The following BTRC variants were observed in gnomAD, a reference collection of about 807,000 sequenced individuals.
BTRC encodes beta-transducin repeat containing E3 ubiquitin protein ligase.
Under a neutral mutation model 85.5 loss-of-function variants are expected in BTRC, and 42 were observed. The observed-to-expected ratio is 0.49, with a 90% CI of 0.38 to 0.64. BTRC has a LOEUF of 0.64. BTRC is among the 30% of genes least tolerant of loss of function. BTRC has a pLI of 0.00. For missense variants in BTRC, 594 were observed against 743.5 expected (o/e 0.80, Z 2.34); for synonymous variants, 255 against 263.3 (o/e 0.97, Z 0.30).
intron 1 of BTRC, among the ~76,000 whole-genome samples, chr10:101,397,397 T>G (rs1425150625): frequency 3.3e-5 from 5 of 152,076 alleles, no homozygotes; most frequent in African/African-American, 9.7e-5. Flanking sequence ...TGAAAGTAAA[T>G]AGTGTAAGAA....
At position 101,522,014 on chromosome 10, in the gene BTRC, C is replaced by CTTTTTTTTTT. The variant is rs1194237945; in HGVS notation, c.556+171_556+180dup. On this transcript the variant is annotated intron_variant, in intron 5 of 14. Coordinates refer to ENST00000370187, the MANE Select transcript of BTRC (RefSeq NM_033637.4). ...TTAACTGTACCTTTTTGATATAAAG[C>CTTTTTTTTTT]TTTTTTTTTTTTTTTTTTTTTTTTT... The CTTTTTTTTTT allele has an allele frequency of 1.1e-4, 7 of 64,446 alleles. 1 individual carries two copies. The highest frequency in any genetic ancestry group is 1.2e-4 in the Non-Finnish European group (5 of 41,034). The allele number at this position is 64,446 out of a possible 1,614,324, so 4.0% of individuals were successfully genotyped here.
intron 6 of BTRC, among the ~76,000 whole-genome samples, chr10:101,528,972 C>T (rs1420445684): frequency 6.6e-6 from 1 of 152,290 alleles, no homozygotes; most frequent in Middle Eastern, 3.4e-3. Flanking sequence ...GTAGTTTTCT[C>T]TCTTGAATAA....
At chr10:101,480,577 C>G (rs1945807594) in intron 4 of BTRC, among the ~76,000 whole-genome samples, 1 of 152,080 alleles carries the variant, frequency 6.6e-6, no homozygotes, top group African/African-American at 2.4e-5. Context: ...GCACTAATCC[C>G]ACTTACAAGG....
chr10:101,486,954 T>C (rs1029991947), intron 4 of BTRC, among the ~76,000 whole-genome samples: 2 of 152,216 alleles, frequency 1.3e-5, no homozygotes, highest in African/African-American at 4.8e-5. Flanking sequence ...TTCTGAAACA[T>C]ATTGTGAATA....
chr10:101,474,115 T>C (rs1352058399), intron 3 of BTRC, among the ~76,000 whole-genome samples: 1 of 152,172 alleles, frequency 6.6e-6, no homozygotes, highest in Non-Finnish European at 1.5e-5. Flanking sequence ...TGGTTTTTGG[T>C]TCATTTTTCT....
At chr10:101,441,650 C>T (rs112443786) in intron 2 of BTRC, among the ~76,000 whole-genome samples, 2 of 152,160 alleles carry the variant, frequency 1.3e-5, no homozygotes, top group Non-Finnish European at 2.9e-5. Context: ...GAGGCTGAGG[C>T]GGGCGGATTG....
chr10:101,403,775 T>G (rs1943545230), intron 1 of BTRC, among the ~76,000 whole-genome samples: 1 of 151,768 alleles, frequency 6.6e-6, no homozygotes, highest in African/African-American at 2.4e-5. Flanking sequence ...AGAAATTTTC[T>G]GTAGAGACAG....
chr10:101,472,988 C>T (rs750527046), intron 3 of BTRC, among the ~76,000 whole-genome samples: 19 of 152,082 alleles, frequency 1.2e-4, no homozygotes, highest in Non-Finnish European at 2.2e-4. Context: ...ATCAGAAAGC[C>T]GCTAGTTTTC....
chr10:101,530,808 G>A (rs762839804), intron 6 of BTRC, among the ~76,000 whole-genome samples: 1 of 152,158 alleles, frequency 6.6e-6, no homozygotes, highest in Admixed American at 6.5e-5. Context: ...TTGCTCCTCC[G>A]CAGACAGCTA....
intron 1 of BTRC, among the ~76,000 whole-genome samples, chr10:101,402,201 TTA>T (rs1589425195): frequency 6.6e-6 from 1 of 152,018 alleles, no homozygotes; most frequent in Non-Finnish European, 1.5e-5. Flanking sequence ...TGTGAGGAGG[TTA>T]TGTTTTTTTA....
intron 2 of BTRC, among the ~76,000 whole-genome samples, chr10:101,456,228 A>G (rs1010068229): frequency 2.0e-5 from 3 of 152,056 alleles, no homozygotes; most frequent in African/African-American, 7.2e-5. Flanking sequence ...ATTTGGATTT[A>G]GGCAAGGATG....
intron 3 of BTRC, among the ~76,000 whole-genome samples, chr10:101,470,891 A>G (rs1156503244): frequency 3.9e-5 from 6 of 152,168 alleles, no homozygotes; most frequent in African/African-American, 1.4e-4. Flanking sequence ...ATTGAATTAC[A>G]TGAATTCATT....
intron 1 of BTRC, among the ~76,000 whole-genome samples, chr10:101,426,080 T>G (rs1944244440): frequency 6.6e-6 from 1 of 152,206 alleles, no homozygotes; most frequent in African/African-American, 2.4e-5. Context: ...ATGACAGTCC[T>G]TTCCACTTTG....
rs141915205 is a variant in BTRC at position 101,410,058 on chromosome 10, A to G, written c.49-20287A>G. Among the ~76,000 whole-genome samples the G allele has an allele frequency of 7.2e-5, 11 of 152,312 alleles. No homozygotes were observed. In the East Asian group the frequency reaches 2.1e-3, roughly 29 times the overall value. On this transcript the variant is annotated intron_variant, in intron 1 of 14. Transcript: ENST00000370187. ...AATGTATGAAGGTTCCAGTTTCTCC[A>G]CATCCTTGTCAGCACTTGTTATTTT...
At chr10:101,549,153 G>A (rs2062605827) in intron 13 of BTRC, among the ~76,000 whole-genome samples, 1 of 151,504 alleles carries the variant, frequency 6.6e-6, no homozygotes, top group Admixed American at 6.6e-5. Context: ...AACAGCATTG[G>A]GCCAGGCACA....
intron 4 of BTRC, among the ~76,000 whole-genome samples, chr10:101,481,540 G>A (rs1945833390): frequency 6.6e-6 from 1 of 150,862 alleles, no homozygotes; most frequent in Non-Finnish European, 1.5e-5. Context: ...ATAGGTTGGT[G>A]TGTGTCTATA....
chr10:101,407,763 G>A (rs566375732), intron 1 of BTRC, among the ~76,000 whole-genome samples: 5 of 139,744 alleles, frequency 3.6e-5, no homozygotes, highest in South Asian at 2.3e-4. Flanking sequence ...TCGTTCTGTC[G>A]CCAGGCTGGA....
At chr10:101,442,779 AT>A (rs1052631444) in intron 2 of BTRC, among the ~76,000 whole-genome samples, 5 of 151,702 alleles carry the variant, frequency 3.3e-5, no homozygotes, top group Non-Finnish European at 7.4e-5. Context: ...TTTAAATACA[AT>A]TTTTTTCCTG....
intron 4 of BTRC, among the ~76,000 whole-genome samples, chr10:101,483,486 A>G (rs1945898863): frequency 6.6e-6 from 1 of 152,070 alleles, no homozygotes. Flanking sequence ...CCAGCTACTC[A>G]GGAGGCTGAG....
Sources: gnomAD v4.1 joint callset for allele counts (sites outside exome capture counted in the v4.1 genomes callset) on GRCh38, gnomAD v4.1.1 for gene constraint, MANE v1.5 for transcripts, NCBI Gene and HGNC (gene_info 2026-07-23, HGNC 2026-07-21) for gene names.